Variants in TRPM7 observed in about 807,000 individuals in gnomAD.
TRPM7 encodes the protein LTRPC ion channel family member 7.
Under a neutral mutation model 229.7 loss-of-function variants are expected in TRPM7, and 134 were observed. The ratio of observed to expected loss-of-function variants is 0.58; its 90% CI spans 0.51 to 0.67. TRPM7 has a LOEUF of 0.67. Among genes scored for constraint, TRPM7 ranks in the 30% least tolerant of loss-of-function variants. The probability of loss-of-function intolerance (pLI) is 0.00; values close to 1 mark genes in which losing one functional copy is unlikely to be tolerated. For missense variants in TRPM7, 1,901 were observed against 2,210.0 expected (o/e 0.86, Z 2.80); for synonymous variants, 699 against 715.2 (o/e 0.98, Z 0.36).
Position 50,679,538 on chromosome 15 carries a change from A to ATT in TRPM7, c.3+6991_3+6992dup, listed in dbSNP as rs58783893. On this transcript the variant is annotated intron_variant, in intron 1 of 38. Transcript: ENST00000646667. ...TATATATATATATATATATATATAT[A>ATT]TTTTTTTTTTTTTTTGAGACAGAGT... Among the ~76,000 whole-genome samples, 296 of 43,874 alleles carry ATT rather than the reference A, an allele frequency of 6.7e-3. 7 individuals carry two copies. The highest frequency in any genetic ancestry group is 0.027 in the African/African-American group (249 of 9,294). The allele number at this position is 43,874 out of a possible 152,430, so 28.8% of individuals were successfully genotyped here.
chr15:50,667,532 C>T (rs1022429950), intron 1 of TRPM7, among the ~76,000 whole-genome samples: 1 of 152,112 alleles, frequency 6.6e-6, no homozygotes, highest in African/African-American at 2.4e-5. Flanking sequence ...CATGTAAAAC[C>T]CCACCTCTAC....
intron 13 of TRPM7, among the ~76,000 whole-genome samples, chr15:50,614,499 C>A (rs1462112376): frequency 2.6e-5 from 4 of 151,922 alleles, no homozygotes; most frequent in Non-Finnish European, 1.5e-5. Flanking sequence ...CCCTTCTCTA[C>A]TAAAAATACA....
chr15:50,567,379 A>C (rs1400934413), intron 38 of TRPM7, among the ~76,000 whole-genome samples: 4 of 152,180 alleles, frequency 2.6e-5, no homozygotes, highest in Admixed American at 2.6e-4. Flanking sequence ...ACTTCAGGCC[A>C]AGATGGTTTG....
At chr15:50,675,224 C>T (rs1176919689) in intron 1 of TRPM7, among the ~76,000 whole-genome samples, 6 of 151,922 alleles carry the variant, frequency 3.9e-5, no homozygotes, top group African/African-American at 1.5e-4. Context: ...GCACCTGTAA[C>T]CTCAGCTACT....
chr15:50,611,390 T>C, intron 16 of TRPM7, 69 bp from the exon 17 acceptor site: 1 of 1,116,526 alleles, frequency 9.0e-7, no homozygotes, highest in Non-Finnish European at 1.3e-6. Flanking sequence ...TATTCTTATA[T>C]ACATTAATAC....
intron 31 of TRPM7, among the ~76,000 whole-genome samples, chr15:50,577,364 G>A (rs746253707): frequency 1.3e-5 from 2 of 152,018 alleles, no homozygotes; most frequent in Non-Finnish European, 2.9e-5. Context: ...CCTGGCCAAC[G>A]TGGTGAAATC....
Position 50,592,272 on chromosome 15 carries a change from A to G in TRPM7, c.3963T>C (p.Asp1321=), listed in dbSNP as rs1256597736. Reference sequence around the variant, plus strand: ...ATATATTACACTGGGGATCTTTGTCATCTTTCATTAAAATATTACAATGAA... The same window carrying G: ...ATATATTACACTGGGGATCTTTGTCGTCTTTCATTAAAATATTACAATGAA... ...NPFHCNILMK[D]DKDPQCNIFG... is the part of the protein sequence containing the mutation. Residue 1321 remains aspartate (D), a synonymous_variant, in exon 26 of 39, where the codon GAT becomes GAC. Coordinates refer to ENST00000646667, the MANE Select transcript of TRPM7 (RefSeq NM_017672.6). The G allele has an allele frequency of 3.7e-6, 6 of 1,613,822 alleles. No individual in the cohort carries two copies. In the East Asian group the frequency reaches 1.1e-4, roughly 30 times the overall value.
intron 1 of TRPM7, among the ~76,000 whole-genome samples, chr15:50,675,257 C>T (rs112004337): frequency 0.024 from 3,625 of 151,950 alleles, 139 homozygotes; most frequent in African/African-American, 0.082. Context: ...GCAGGAGAAT[C>T]GACTGAACCC....
At position 50,587,699 on chromosome 15, in the gene TRPM7, A is replaced by G. The variant is rs576104839; in HGVS notation, c.4390-1211T>C. On this transcript the variant is annotated intron_variant, in intron 27 of 38. Transcript: ENST00000646667. ...TCAAGTGCTTCGCAATAGCAAAATG[A>G]TACCACCAGAGTGTGGCAATATGAC... 7.9e-4 allele frequency among the ~76,000 whole-genome samples: 121 copies of G among 152,324 alleles called. 1 individual carries two copies. The highest frequency in any genetic ancestry group is 2.8e-3 in the African/African-American group (118 of 41,570).
intron 5 of TRPM7, among the ~76,000 whole-genome samples, chr15:50,639,788 T>C (rs912335777): frequency 2.0e-5 from 3 of 151,470 alleles, no homozygotes; most frequent in Middle Eastern, 3.4e-3. Flanking sequence ...CTTGGGCTCA[T>C]GCCTCAGCCT....
Position 50,594,525 on chromosome 15 carries a change from C to A in TRPM7, c.3379G>T (p.Val1127Phe). The A allele has an allele frequency of 6.2e-7, 1 of 1,613,088 alleles. No individual in the cohort carries two copies. Among genetic ancestry groups the A allele is most frequent in the Non-Finnish European group, 8.5e-7 (1 of 1,179,370 alleles). The change falls in exon 24 of 39, where the codon GTT becomes TTT. Residue 1127 changes from valine (V) to phenylalanine (F), a missense_variant. By Grantham distance (50) the Val-to-Phe change is conservative. This residue lies in a region of TRPM7 where 89 missense variants were observed against 178.2 expected (regional missense o/e 0.50). Coordinates refer to ENST00000646667, the MANE Select transcript of TRPM7 (RefSeq NM_017672.6). The part of the protein sequence containing the change: ...HFIMAYHEKP[V>F]LPPPLIILSH... ...AGAATGATAAGTGGAGGAGGCAGAACTGGTTTCTCATGATAAGCCATAATA... is the reference window on the plus strand; with the variant it reads ...AGAATGATAAGTGGAGGAGGCAGAAATGGTTTCTCATGATAAGCCATAATA...
chr15:50,587,405 CTTTTTTT>C (rs34826776), intron 27 of TRPM7, among the ~76,000 whole-genome samples: 3 of 91,656 alleles, frequency 3.3e-5, no homozygotes, highest in African/African-American at 1.2e-4. Context: ...ATAAATACTG[CTTTTTTT>C]TTTTTTTTTT....
intron 38 of TRPM7, among the ~76,000 whole-genome samples, chr15:50,562,461 A>T (rs2053359887): frequency 6.6e-6 from 1 of 152,148 alleles, no homozygotes; most frequent in African/African-American, 2.4e-5. Context: ...AAATGACAGA[A>T]TTATAAGCAG....
At chr15:50,576,978 G>A (rs2054163759) in intron 31 of TRPM7, among the ~76,000 whole-genome samples, 1 of 152,104 alleles carries the variant, frequency 6.6e-6, no homozygotes, top group African/African-American at 2.4e-5. Flanking sequence ...TGAGCAAGGT[G>A]GCACCCACCT....
rs1567039193 is a variant in TRPM7 at position 50,628,253 on chromosome 15, A to G, written c.1205-4T>C. ...TCAAATGCAGATGCATTAGTACCTA[A>G]TCGAATAAAGAAAATAGTTGACAGG... On this transcript the variant is annotated splice_polypyrimidine_tract_variant and splice_region_variant and intron_variant, in intron 10 of 38. Transcript: ENST00000646667. The G allele has an allele frequency of 6.3e-7, 1 of 1,595,344 alleles. No individual in the cohort carries two copies. Among genetic ancestry groups the G allele is most frequent in the Non-Finnish European group, 8.6e-7 (1 of 1,166,372 alleles).
At chr15:50,589,559 G>T in intron 27 of TRPM7, 33 bp downstream of exon 27, 1 of 1,360,780 alleles carries the variant, frequency 7.3e-7, no homozygotes, top group Non-Finnish European at 1.0e-6. Context: ...AAAATAAATA[G>T]AACTGTGGGT....
At chr15:50,575,965 A>G in intron 31 of TRPM7, 46 bp from the exon 32 acceptor site, 1 of 1,580,652 alleles carries the variant, frequency 6.3e-7, no homozygotes, top group Non-Finnish European at 8.6e-7. Flanking sequence ...AAGTACTAGT[A>G]CAGCAAAAAT....
chr15:50,643,572 A>G lies in TRPM7; in HGVS notation c.322-19T>C, dbSNP rs774451364. The G allele has an allele frequency of 1.2e-6, 2 of 1,600,420 alleles. No homozygotes were observed. The highest frequency in any genetic ancestry group is 1.1e-5 in the South Asian group (1 of 90,376). ...TCACATACTAGAAAAAGATTTTAAA[A>G]GGAGAAAATAATTGAACATGTTCAC... is the stretch of plus-strand genomic sequence containing the variant. On this transcript the variant is annotated intron_variant, in intron 4 of 38. Coordinates refer to ENST00000646667, the MANE Select transcript of TRPM7 (RefSeq NM_017672.6).
intron 1 of TRPM7, among the ~76,000 whole-genome samples, chr15:50,668,600 G>A (rs764913963): frequency 1.7e-4 from 26 of 152,040 alleles, no homozygotes; most frequent in Non-Finnish European, 2.9e-4. Flanking sequence ...CTCTGCCTCC[G>A]GGGTCCAAGT....
Sources: allele counts gnomAD v4.1 joint callset (sites outside exome capture counted in the v4.1 genomes callset), GRCh38; gene constraint gnomAD v4.1.1; regional missense constraint gnomAD v4.1.1; transcripts MANE v1.5; gene names NCBI Gene and HGNC (gene_info 2026-07-23, HGNC 2026-07-21).